The following SHANK2 variants were observed in gnomAD, a reference collection of about 807,000 sequenced individuals.
The protein encoded by SHANK2 is SH3 and multiple ankyrin repeat domains 2.
SHANK2 carries 43 observed loss-of-function variants against 133.7 expected under a neutral mutation model. The observed-to-expected ratio is 0.32, with a 90% confidence interval of 0.25 to 0.41. SHANK2 has a LOEUF of 0.41. Ranked by LOEUF, SHANK2 falls within the 10% of genes least tolerant of loss-of-function variation. The pLI is 1.00. For synonymous variants in SHANK2, 1,017 were observed against 952.8 expected (o/e 1.07, Z -1.24); for missense variants, 1,994 against 2,235.8 (o/e 0.89, Z 2.18).
intron 17 of SHANK2, among the ~76,000 whole-genome samples, chr11:70,527,731 A>G (rs2059417923): frequency 1.3e-5 from 2 of 152,166 alleles, no homozygotes; most frequent in Admixed American, 1.3e-4. Context: ...CTCCGAGGTC[A>G]TGGAGAAGGC....
chr11:71,199,309 A>T (rs1024961463), intron 2 of SHANK2, among the ~76,000 whole-genome samples: 2 of 152,270 alleles, frequency 1.3e-5, no homozygotes, highest in Non-Finnish European at 2.9e-5. Context: ...GATGTGAACA[A>T]GCCGCATATT....
intron 17 of SHANK2, among the ~76,000 whole-genome samples, chr11:70,615,442 C>T (rs555363609): frequency 5.5e-4 from 83 of 152,224 alleles, no homozygotes; most frequent in African/African-American, 1.7e-3. Flanking sequence ...CAGTCTTCCC[C>T]GGAAACATGA....
chr11:70,781,070 A>T (rs1555045016), intron 14 of SHANK2, among the ~76,000 whole-genome samples: 1 of 151,904 alleles, frequency 6.6e-6, no homozygotes, highest in African/African-American at 2.4e-5. Flanking sequence ...TCTGTTTATG[A>T]GCCCAAGGAG....
At chr11:71,095,044 G>A (rs573146475) in intron 6 of SHANK2, among the ~76,000 whole-genome samples, 9 of 152,208 alleles carry the variant, frequency 5.9e-5, no homozygotes, top group East Asian at 1.9e-4. Flanking sequence ...AAGGAGTGAC[G>A]GACTAAAGCC....
At chr11:70,731,834 C>T (rs534053894) in intron 14 of SHANK2, among the ~76,000 whole-genome samples, 13 of 152,322 alleles carry the variant, frequency 8.5e-5, no homozygotes, top group African/African-American at 2.4e-4. Flanking sequence ...CTCCACGCTG[C>T]GAGGTGGAAC....
At chr11:70,509,545 G>A (rs117130253) in intron 17 of SHANK2, among the ~76,000 whole-genome samples, 2 of 152,322 alleles carry the variant, frequency 1.3e-5, no homozygotes, top group African/African-American at 2.4e-5. Context: ...TGTAGCCTTC[G>A]GGTCAGCTTT....
chr11:71,145,768 C>T (rs1482229312), intron 3 of SHANK2, among the ~76,000 whole-genome samples: 1 of 150,932 alleles, frequency 6.6e-6, no homozygotes, highest in Non-Finnish European at 1.5e-5. Context: ...GCACTTGGGC[C>T]CCCCTTCCCC....
intron 8 of SHANK2, among the ~76,000 whole-genome samples, chr11:71,084,516 A>T (rs1350859562): frequency 2.0e-5 from 3 of 152,184 alleles, no homozygotes; most frequent in Non-Finnish European, 4.4e-5. Context: ...CTCCCACACG[A>T]TGAACGCCCA....
At chr11:70,824,894 C>T (rs1033497435) in intron 11 of SHANK2, among the ~76,000 whole-genome samples, 6 of 152,142 alleles carry the variant, frequency 3.9e-5, no homozygotes, top group Non-Finnish European at 7.4e-5. Flanking sequence ...ACAGAGATTA[C>T]GTGTTGGAAG....
At chr11:70,563,309 C>G (rs1389675991) in intron 17 of SHANK2, among the ~76,000 whole-genome samples, 3 of 152,064 alleles carry the variant, frequency 2.0e-5, no homozygotes, top group Non-Finnish European at 4.4e-5. Flanking sequence ...GATGTTCTAC[C>G]ACTTCGTGTA....
chr11:70,798,039 A>G (rs1476207221), intron 14 of SHANK2, among the ~76,000 whole-genome samples: 1 of 152,152 alleles, frequency 6.6e-6, no homozygotes, highest in Admixed American at 6.5e-5. Flanking sequence ...GTTTTTACGG[A>G]GGCGTTTGCT....
chr11:70,825,109 G>A (rs1399091799), intron 11 of SHANK2, among the ~76,000 whole-genome samples: 2 of 152,088 alleles, frequency 1.3e-5, no homozygotes, highest in African/African-American at 2.4e-5. Context: ...CGACAATGCA[G>A]CCAATTCTCT....
chr11:71,083,981 G>T (rs902631091), intron 8 of SHANK2, among the ~76,000 whole-genome samples: 3 of 149,674 alleles, frequency 2.0e-5, no homozygotes, highest in African/African-American at 7.4e-5. Flanking sequence ...CTTTTTTTTG[G>T]GGGGGGGAGA....
chr11:71,135,421 G>C (rs1330326855), intron 3 of SHANK2, among the ~76,000 whole-genome samples: 1 of 151,582 alleles, frequency 6.6e-6, no homozygotes, highest in African/African-American at 2.4e-5. Context: ...GAATCCTCAG[G>C]AAAAAGAATC....
intron 15 of SHANK2, among the ~76,000 whole-genome samples, chr11:70,679,541 T>C (rs1232989245): frequency 6.6e-6 from 1 of 152,226 alleles, no homozygotes; most frequent in Admixed American, 6.5e-5. Context: ...TGTCTCCCCA[T>C]GACCAGTACA....
intron 3 of SHANK2, among the ~76,000 whole-genome samples, chr11:71,134,926 C>T (rs549941774): frequency 6.6e-6 from 1 of 152,236 alleles, no homozygotes; most frequent in East Asian, 1.9e-4. Flanking sequence ...TTACCCTTTT[C>T]AAATATAAAC....
At chr11:70,823,036 T>C (rs11237615) in intron 11 of SHANK2, among the ~76,000 whole-genome samples, 5 of 84,374 alleles carry the variant, frequency 5.9e-5, no homozygotes, top group East Asian at 8.4e-4. Flanking sequence ...ACAGGTGGCG[T>C]TGGCAGAGCC....
rs377038286 is a variant in SHANK2 at position 71,206,224 on chromosome 11, C to T, written c.-13+18473G>A. On this transcript the variant is annotated intron_variant, in intron 2 of 25. Coordinates refer to ENST00000601538, the MANE Select transcript of SHANK2 (RefSeq NM_012309.5). The stretch of plus-strand genomic sequence containing the variant: ...CCCATTGCTTCCCTCTCCGGACAGG[C>T]ACACACACAGAGCGACTCCAGGAAG... Among the ~76,000 whole-genome samples the T allele has an allele frequency of 6.6e-5, 10 of 152,348 alleles. No homozygotes were observed. In the South Asian group the frequency reaches 2.1e-3, roughly 32 times the overall value.
chr11:70,659,556 C>T (rs1555012610), intron 17 of SHANK2, among the ~76,000 whole-genome samples: 1 of 152,160 alleles, frequency 6.6e-6, no homozygotes, highest in East Asian at 1.9e-4. Context: ...CACATGCCTC[C>T]TCTTTCTACC....
Sources: gnomAD v4.1 joint callset for allele counts (sites outside exome capture counted in the v4.1 genomes callset) on GRCh38, gnomAD v4.1.1 for gene constraint, MANE v1.5 for transcripts, NCBI Gene and HGNC (gene_info 2026-07-23, HGNC 2026-07-21) for gene names.